The following NEGR1 variants were observed in gnomAD, a reference collection of about 807,000 sequenced individuals.
NEGR1 encodes the protein IgLON family member 4.
In NEGR1, 10 loss-of-function variants were observed where a neutral mutation model predicts 40.9. The observed-to-expected ratio is 0.24, with a 90% CI of 0.15 to 0.42. The LOEUF (loss-of-function observed/expected upper bound fraction) is 0.42. NEGR1 is among the 10% of genes least tolerant of loss of function. NEGR1 has a pLI of 1.00. For missense variants in NEGR1, 352 were observed against 438.9 expected, an observed-to-expected ratio of 0.80 and a Z score of 1.77; for synonymous variants, 185 against 166.8, an observed-to-expected ratio of 1.11 and a Z score of -0.84.
At chr1:71,610,747 C>T (rs1278144130) in intron 5 of NEGR1, among the ~76,000 whole-genome samples, 1 of 151,960 alleles carries the variant, frequency 6.6e-6, no homozygotes, top group Non-Finnish European at 1.5e-5. Context: ...AACTGAGTTG[C>T]CAGCAACTCA....
At position 71,750,938 on chromosome 1, in the gene NEGR1, A is replaced by G. The variant is rs544189330; in HGVS notation, c.535+25234T>C. On this transcript the variant is annotated intron_variant, in intron 3 of 6. Transcript: ENST00000357731. ...GGAAAAAATGTTATATATTCCATCTATAGAACTTAGTTTATGACTAGATTT... is the reference window on the plus strand; with the variant it reads ...GGAAAAAATGTTATATATTCCATCTGTAGAACTTAGTTTATGACTAGATTT... Among the ~76,000 whole-genome samples, 19 of 152,300 alleles carry G rather than the reference A, an allele frequency of 1.2e-4. No individual in the cohort carries two copies. In the South Asian group the frequency reaches 3.5e-3, roughly 28 times the overall value.
At chr1:72,034,637 A>G (rs1646886951) in intron 1 of NEGR1, among the ~76,000 whole-genome samples, 1 of 152,202 alleles carries the variant, frequency 6.6e-6, no homozygotes, top group African/African-American at 2.4e-5. Flanking sequence ...TCCCTGACTC[A>G]AAAGGCTCAT....
chr1:71,771,609 G>T (rs570294912), intron 3 of NEGR1, among the ~76,000 whole-genome samples: 8 of 136,876 alleles, frequency 5.8e-5, no homozygotes, highest in Non-Finnish European at 1.5e-5. Flanking sequence ...TGAGACAGGA[G>T]AATCGTTTGA....
chr1:72,178,098 T>C (rs976616084), intron 1 of NEGR1, among the ~76,000 whole-genome samples: 2 of 152,056 alleles, frequency 1.3e-5, no homozygotes, highest in East Asian at 3.8e-4. Context: ...AAACTGGCAG[T>C]CAAAGATATT....
chr1:71,561,354 A>G (rs11209795), intron 6 of NEGR1, among the ~76,000 whole-genome samples: 44,327 of 151,484 alleles, frequency 0.29, 8,078 homozygotes, highest in East Asian at 0.63. Flanking sequence ...AATAGGGCCT[A>G]CTTTTCCTCT....
chr1:72,220,183 A>G (rs1653965227), intron 1 of NEGR1, among the ~76,000 whole-genome samples: 1 of 149,742 alleles, frequency 6.7e-6, no homozygotes, highest in Admixed American at 6.7e-5. Flanking sequence ...AAAAATGAAT[A>G]CAATAATTTT....
rs1283124154 is a variant in NEGR1 at position 72,052,018 on chromosome 1, CAG to C, written c.177-116709_177-116708del. ...AAAACTCATCCTCAAAACAAGCTGA[CAG>C]AGTTTCCTGGTGGCTTGACTAACTT... is the stretch of plus-strand genomic sequence containing the variant. On this transcript the variant is annotated intron_variant, in intron 1 of 6. Coordinates refer to ENST00000357731, the MANE Select transcript of NEGR1 (RefSeq NM_173808.3). Among the ~76,000 whole-genome samples, 8 of 151,594 alleles carry C rather than the reference CAG, an allele frequency of 5.3e-5. No individual in the cohort carries two copies. The East Asian group carries it at 5.8e-4, about 11-fold the overall frequency.
At chr1:71,926,544 A>G (rs922729819) in intron 2 of NEGR1, among the ~76,000 whole-genome samples, 21 of 151,938 alleles carry the variant, frequency 1.4e-4, no homozygotes, top group African/African-American at 4.3e-4. Flanking sequence ...TTAAATTCCA[A>G]TAGTGCTCCT....
Position 71,928,075 on chromosome 1 carries a change from TAC to T in NEGR1, c.409+7002_409+7003del, listed in dbSNP as rs145366825. Among the ~76,000 whole-genome samples, 81 of 25,304 alleles carry T rather than the reference TAC, an allele frequency of 3.2e-3. 1 individual carries two copies. Among genetic ancestry groups the T allele is most frequent in the Admixed American group, 5.6e-3 (9 of 1,610 alleles). The allele number at this position is 25,304 out of a possible 152,430, so 16.6% of individuals were successfully genotyped here. A position where few individuals can be genotyped will look rare whatever the true frequency, so the allele number is the denominator to read the frequency against. ...GTATATATATACACACACACATATG[TAC>T]ATATATGTATATATACACACATATG... is the stretch of plus-strand genomic sequence containing the variant. On this transcript the variant is annotated intron_variant, in intron 2 of 6. Coordinates refer to ENST00000357731, the MANE Select transcript of NEGR1 (RefSeq NM_173808.3).
chr1:72,125,457 C>A (rs1232512469), intron 1 of NEGR1, among the ~76,000 whole-genome samples: 2 of 142,380 alleles, frequency 1.4e-5, no homozygotes, highest in Non-Finnish European at 3.2e-5. Context: ...GAAAACGTGG[C>A]CAAATAAAAA....
chr1:71,909,573 C>A (rs909204862), intron 2 of NEGR1, among the ~76,000 whole-genome samples: 2 of 152,104 alleles, frequency 1.3e-5, no homozygotes, highest in Non-Finnish European at 2.9e-5. Flanking sequence ...ATTTTATAAC[C>A]AAAACTGACA....
chr1:71,737,361 T>C (rs77582895), intron 3 of NEGR1, among the ~76,000 whole-genome samples: 5 of 151,616 alleles, frequency 3.3e-5, no homozygotes, highest in East Asian at 1.9e-4. Flanking sequence ...TTTTTTTTTT[T>C]CCTTGGGAGG....
intron 6 of NEGR1, among the ~76,000 whole-genome samples, chr1:71,479,774 G>T (rs1295817101): frequency 1.3e-5 from 2 of 151,856 alleles, no homozygotes; most frequent in Admixed American, 6.6e-5. Context: ...CAGAGCTTCT[G>T]GTTTGTAGGG....
At chr1:71,416,847 G>C (rs1646359198) in intron 6 of NEGR1, among the ~76,000 whole-genome samples, 1 of 152,162 alleles carries the variant, frequency 6.6e-6, no homozygotes, top group Non-Finnish European at 1.5e-5. Context: ...TTCTATGTCT[G>C]TATGTGTTGA....
chr1:72,206,539 T>G (rs779014489), intron 1 of NEGR1, among the ~76,000 whole-genome samples: 18 of 151,844 alleles, frequency 1.2e-4, no homozygotes, highest in Non-Finnish European at 2.4e-4. Context: ...TCCAATGAGC[T>G]AACCTTGACA....
chr1:71,822,308 A>G (rs1310546725), intron 2 of NEGR1, among the ~76,000 whole-genome samples: 2 of 151,982 alleles, frequency 1.3e-5, no homozygotes, highest in African/African-American at 4.8e-5. Context: ...GAGAAGATCT[A>G]CGTATTATAT....
chr1:71,917,543 C>A (rs1661618730), intron 2 of NEGR1, among the ~76,000 whole-genome samples: 2 of 151,996 alleles, frequency 1.3e-5, no homozygotes, highest in South Asian at 4.1e-4. Context: ...GTAATCCCAG[C>A]ACTTTGGGAG....
chr1:72,020,486 A>G (rs1646747223), intron 1 of NEGR1, among the ~76,000 whole-genome samples: 1 of 152,216 alleles, frequency 6.6e-6, no homozygotes, highest in Non-Finnish European at 1.5e-5. Context: ...GAAGAGACCA[A>G]ACAAAAATTG....
chr1:72,152,182 T>C lies in NEGR1; in HGVS notation c.176+130137A>G, dbSNP rs545890877. 1.5e-4 allele frequency among the ~76,000 whole-genome samples: 23 copies of C among 151,792 alleles called. No homozygotes were observed. The South Asian group carries it at 4.8e-3, about 32-fold the overall frequency. ...ATCATATTCTTTGACCATAATCTAA[T>C]TAAATTAAAAAGTAAACAAATGAAA... On this transcript the variant is annotated intron_variant, in intron 1 of 6. Transcript: ENST00000357731.
Sources: gnomAD v4.1 joint callset for allele counts (sites outside exome capture counted in the v4.1 genomes callset) on GRCh38, gnomAD v4.1.1 for gene constraint, MANE v1.5 for transcripts, NCBI Gene and HGNC (gene_info 2026-07-23, HGNC 2026-07-21) for gene names.